Variants in STX8 observed in about 807,000 individuals in gnomAD.
STX8 encodes the protein syntaxin-8.
Under a neutral mutation model 37.5 loss-of-function variants are expected in STX8, and 23 were observed. That is an observed-to-expected ratio of 0.61 (90% CI 0.44 to 0.87). The LOEUF is 0.87. Ranked by LOEUF, STX8 falls within the 40% of genes least tolerant of loss-of-function variation. STX8 has a pLI of 0.00. For missense variants in STX8, 313 were observed against 284.7 expected (o/e 1.10, Z -0.71); for synonymous variants, 115 against 99.1 (o/e 1.16, Z -0.95).
chr17:9,494,442 A>G (rs1259848810), intron 5 of STX8, among the ~76,000 whole-genome samples: 1 of 151,628 alleles, frequency 6.6e-6, no homozygotes, highest in Non-Finnish European at 1.5e-5. Context: ...CAGACTGGGC[A>G]ACACTGTCTG....
At chr17:9,293,753 C>T (rs1221187732) in intron 7 of STX8, among the ~76,000 whole-genome samples, 10 of 150,582 alleles carry the variant, frequency 6.6e-5, no homozygotes, top group Non-Finnish European at 1.2e-4. Flanking sequence ...TATGTGGTCA[C>T]CATTTATAGT....
intron 7 of STX8, among the ~76,000 whole-genome samples, chr17:9,300,746 T>G (rs1198005702): frequency 2.0e-5 from 3 of 152,180 alleles, no homozygotes; most frequent in African/African-American, 7.2e-5. Flanking sequence ...CTTTTCCTCT[T>G]TATTTATTTT....
At chr17:9,337,601 A>G (rs1163386860) in intron 7 of STX8, among the ~76,000 whole-genome samples, 1 of 152,154 alleles carries the variant, frequency 6.6e-6, no homozygotes, top group Non-Finnish European at 1.5e-5. Context: ...TTCTGACCTC[A>G]GGTGATCTGC....
chr17:9,505,198 A>G, intron 4 of STX8, 36 bp from the exon 5 acceptor site: 1 of 1,578,438 alleles, frequency 6.3e-7, no homozygotes, highest in Non-Finnish European at 8.6e-7. Context: ...TATATCTCAA[A>G]ACATGCAGCT....
At chr17:9,384,720 T>C (rs1276869721) in intron 6 of STX8, among the ~76,000 whole-genome samples, 4 of 152,018 alleles carry the variant, frequency 2.6e-5, no homozygotes, top group Non-Finnish European at 4.4e-5. Flanking sequence ...ATTATAAATA[T>C]ATACTAATCA....
In STX8 at chr17:9,571,271, TA is replaced by T. The variant is rs200522097; in HGVS notation, c.18-2802del. 6.1e-3 allele frequency among the ~76,000 whole-genome samples: 921 copies of T among 152,100 alleles called. 9 individuals are homozygous for T. The highest frequency in any genetic ancestry group is 0.021 in the African/African-American group (877 of 41,478). ...CAAGTTGGAATCACTGGGGAATCTT[TA>T]AAAAAATAACAATGCCTGGTCCCAA... On this transcript the variant is annotated intron_variant, in intron 1 of 7. Coordinates refer to ENST00000306357, the MANE Select transcript of STX8 (RefSeq NM_004853.3).
chr17:9,328,507 T>A (rs1909851752), intron 7 of STX8, among the ~76,000 whole-genome samples: 1 of 152,088 alleles, frequency 6.6e-6, no homozygotes, highest in African/African-American at 2.4e-5. Flanking sequence ...TATGAATAAT[T>A]CAGGATCTGA....
chr17:9,469,725 G>A (rs1905767924), intron 6 of STX8: 1 of 152,166 alleles, frequency 6.6e-6, no homozygotes, highest in South Asian at 2.1e-4. Flanking sequence ...AAAGAAAATG[G>A]TAAAATGAGT....
chr17:9,300,361 GAA>G (rs1233564559), intron 7 of STX8, among the ~76,000 whole-genome samples: 126 of 139,998 alleles, frequency 9.0e-4, no homozygotes, highest in Non-Finnish European at 1.7e-3. Context: ...AAGAAAGAAA[GAA>G]AAAGAAAAAG....
intron 7 of STX8, among the ~76,000 whole-genome samples, chr17:9,345,649 A>C (rs1487504991): frequency 6.6e-6 from 1 of 151,556 alleles, no homozygotes; most frequent in Non-Finnish European, 1.5e-5. Context: ...CACATTGTGG[A>C]ATGATTATAT....
At chr17:9,370,684 C>CTGTA (rs1161973533) in intron 7 of STX8, among the ~76,000 whole-genome samples, 2 of 152,188 alleles carry the variant, frequency 1.3e-5, no homozygotes, top group Non-Finnish European at 2.9e-5. Flanking sequence ...AGAAGCAAGA[C>CTGTA]TGTACATCCA....
intron 7 of STX8, among the ~76,000 whole-genome samples, chr17:9,351,989 A>G (rs1321440480): frequency 6.6e-6 from 1 of 151,952 alleles, no homozygotes; most frequent in Non-Finnish European, 1.5e-5. Context: ...ATCTCTACAA[A>G]AAATACAAAA....
At chr17:9,546,469 G>C (rs1276058686) in intron 3 of STX8, among the ~76,000 whole-genome samples, 1 of 74,086 alleles carries the variant, frequency 1.3e-5, no homozygotes, top group East Asian at 4.0e-4. Context: ...AGGTGGACGA[G>C]AATGCGGCGC....
chr17:9,423,627 T>C (rs1329170515), intron 6 of STX8, among the ~76,000 whole-genome samples: 1 of 152,112 alleles, frequency 6.6e-6, no homozygotes, highest in Non-Finnish European at 1.5e-5. Context: ...CCCGGCCAAA[T>C]GTTATGTTTT....
intron 7 of STX8, among the ~76,000 whole-genome samples, chr17:9,320,258 G>A (rs889462637): frequency 7.3e-5 from 11 of 150,580 alleles, no homozygotes; most frequent in African/African-American, 2.0e-4. Flanking sequence ...GCTTGAACCC[G>A]GGAGGTGGAG....
chr17:9,494,281 C>T (rs989889873), intron 5 of STX8, among the ~76,000 whole-genome samples: 11 of 151,454 alleles, frequency 7.3e-5, no homozygotes, highest in Admixed American at 2.0e-4. Flanking sequence ...TCCCAAAGTG[C>T]TGGGATTACA....
intron 7 of STX8, among the ~76,000 whole-genome samples, chr17:9,258,331 G>A (rs1172106369): frequency 6.6e-6 from 1 of 152,196 alleles, no homozygotes; most frequent in African/African-American, 2.4e-5. Flanking sequence ...CCCACGACTG[G>A]GCAAATACAC....
Position 9,250,521 on chromosome 17 carries a change from T to G in STX8, c.*57A>C. ...GAGCAGGTTTTGCGTACCAAAAGGG[T>G]GTTGGGCTTGCATCTGTCATTGGCA... is the stretch of plus-strand genomic sequence containing the variant. On this transcript the variant is annotated 3_prime_UTR_variant, in exon 8 of 8. Transcript: ENST00000306357. 6.8e-7 allele frequency: 1 copy of G among 1,465,006 alleles called. No individual in the cohort carries two copies. Among genetic ancestry groups the G allele is most frequent in the Non-Finnish European group, 9.4e-7 (1 of 1,065,706 alleles). The allele number at this position is 1,465,006 out of a possible 1,614,324, so 90.8% of individuals were successfully genotyped here.
chr17:9,485,501 A>ATAAGTAAAC (rs1267157389), intron 6 of STX8, among the ~76,000 whole-genome samples: 1 of 152,142 alleles, frequency 6.6e-6, no homozygotes, highest in Non-Finnish European at 1.5e-5. Context: ...AAGAAAAACA[A>ATAAGTAAAC]TAAGTAAACT....
Sources: gnomAD v4.1 joint callset for allele counts (sites outside exome capture counted in the v4.1 genomes callset) on GRCh38, gnomAD v4.1.1 for gene constraint, MANE v1.5 for transcripts, NCBI Gene and HGNC (gene_info 2026-07-23, HGNC 2026-07-21) for gene names.